Variants in TBC1D4 observed in about 807,000 individuals in gnomAD.
TBC1D4 encodes TBC1 domain family member 4.
TBC1D4 carries 121 observed loss-of-function variants against 142.5 expected under a neutral mutation model. The ratio of observed to expected loss-of-function variants is 0.85; its 90% CI spans 0.73 to 0.99. The LOEUF (loss-of-function observed/expected upper bound fraction) is 0.99. Ranked by LOEUF, TBC1D4 falls within the 50% of genes least tolerant of loss-of-function variation. The pLI is 0.00. For missense variants in TBC1D4, 1,475 were observed against 1,606.6 expected (o/e 0.92, Z 1.40); for synonymous variants, 630 against 628.2 (o/e 1.00, Z -0.04).
chr13:75,475,357 T>C (rs11148993), intron 1 of TBC1D4, among the ~76,000 whole-genome samples: 116,857 of 152,174 alleles, frequency 0.77, 46,999 homozygotes, highest in East Asian at 0.97. Context: ...AGGGGCTACA[T>C]CCAAGTAACT....
At chr13:75,296,559 C>T (rs143705114) in intron 17 of TBC1D4, among the ~76,000 whole-genome samples, 1 of 152,230 alleles carries the variant, frequency 6.6e-6, no homozygotes, top group Non-Finnish European at 1.5e-5. Context: ...ACAATTCAGG[C>T]TTCCTTCAAA....
Position 75,481,478 on chromosome 13 carries a change from G to T in TBC1D4, c.290C>A (p.Pro97Gln), listed in dbSNP as rs373653727. Residue 97 changes from proline to glutamine, a missense_variant, in exon 1 of 21, where the codon CCG becomes CAG. Pro to Gln is a moderately conservative substitution (Grantham distance 76, BLOSUM62 -1). Transcript: ENST00000377636. ...AGTGCCCCCCGAGGCCCCAGCGCCC[G>T]GCGCGGGGACGCAACGCAGGAAGGG... is the stretch of plus-strand genomic sequence containing the variant. The part of the protein sequence containing the change: ...SAPFLRCVPA[P>Q]GAGASGGTSP... 20 of 1,613,106 alleles carry T rather than the reference G, an allele frequency of 1.2e-5. No individual in the cohort carries two copies. In the African/African-American group the frequency reaches 2.5e-4, roughly 20 times the overall value.
chr13:75,365,491 T>A (rs566094145), intron 1 of TBC1D4, among the ~76,000 whole-genome samples: 1 of 152,174 alleles, frequency 6.6e-6, no homozygotes, highest in African/African-American at 2.4e-5. Flanking sequence ...CAGAGAATCA[T>A]GAAAATCTTG....
At chr13:75,460,459 C>A (rs116240927) in intron 1 of TBC1D4, among the ~76,000 whole-genome samples, 2 of 152,066 alleles carry the variant, frequency 1.3e-5, no homozygotes, top group Admixed American at 1.3e-4. Context: ...AACAAAAAGA[C>A]CAATGTGTGT....
chr13:75,387,616 A>C (rs1884252513), intron 1 of TBC1D4, among the ~76,000 whole-genome samples: 2 of 152,222 alleles, frequency 1.3e-5, no homozygotes, highest in East Asian at 3.8e-4. Context: ...CAAAGTCTTC[A>C]GCAAACTATC....
chr13:75,473,989 C>T (rs9634728), intron 1 of TBC1D4, among the ~76,000 whole-genome samples: 116,894 of 152,084 alleles, frequency 0.77, 47,020 homozygotes, highest in East Asian at 0.97. Flanking sequence ...TTTATTCCCC[C>T]GCCATACTTA....
intron 5 of TBC1D4, among the ~76,000 whole-genome samples, chr13:75,348,241 T>A (rs977922426): frequency 3.3e-5 from 5 of 152,248 alleles, no homozygotes; most frequent in African/African-American, 1.2e-4. Flanking sequence ...CTTGTGCCTA[T>A]GATTCTGCTG....
chr13:75,299,292 T>C (rs771493240), intron 17 of TBC1D4, 38 bp downstream of exon 17: 6 of 1,612,760 alleles, frequency 3.7e-6, no homozygotes, highest in Non-Finnish European at 5.1e-6. Context: ...TTTCTGGTAA[T>C]AGTCTCACAC....
chr13:75,378,713 G>A (rs1883655270), intron 1 of TBC1D4, among the ~76,000 whole-genome samples: 1 of 151,944 alleles, frequency 6.6e-6, no homozygotes, highest in Non-Finnish European at 1.5e-5. Context: ...AAATAAATTG[G>A]TCTATCTTCT....
At chr13:75,370,522 A>G (rs1352618486) in intron 1 of TBC1D4, among the ~76,000 whole-genome samples, 3 of 152,204 alleles carry the variant, frequency 2.0e-5, no homozygotes, top group Non-Finnish European at 2.9e-5. Flanking sequence ...GCTTCTGGAT[A>G]TAATTGTAAA....
intron 4 of TBC1D4, among the ~76,000 whole-genome samples, chr13:75,350,507 TG>T (rs1444006205): frequency 6.6e-6 from 1 of 152,208 alleles, no homozygotes; most frequent in African/African-American, 2.4e-5. Flanking sequence ...TTTGATAAAA[TG>T]TTATTTTATA....
intron 8 of TBC1D4, among the ~76,000 whole-genome samples, chr13:75,332,561 T>G (rs925792622): frequency 7.2e-6 from 1 of 138,760 alleles, no homozygotes; most frequent in East Asian, 2.2e-4. Flanking sequence ...CAGCCTCACC[T>G]GGAAGGCTTG....
intron 20 of TBC1D4, among the ~76,000 whole-genome samples, chr13:75,288,216 C>T (rs944018370): frequency 6.6e-6 from 1 of 152,068 alleles, no homozygotes; most frequent in East Asian, 1.9e-4. Flanking sequence ...ATGTCTCCCT[C>T]TCTTCCAATT....
chr13:75,423,337 G>C (rs1258224507), intron 1 of TBC1D4, among the ~76,000 whole-genome samples: 1 of 151,830 alleles, frequency 6.6e-6, no homozygotes, highest in Non-Finnish European at 1.5e-5. Flanking sequence ...ATGTCCAAAA[G>C]AAAGCAGTAT....
At chr13:75,339,033 C>T (rs1274284290) in intron 7 of TBC1D4, among the ~76,000 whole-genome samples, 1 of 152,182 alleles carries the variant, frequency 6.6e-6, no homozygotes, top group Non-Finnish European at 1.5e-5. Context: ...ATAAATGCTT[C>T]AAGACGAATT....
At chr13:75,474,952 C>T (rs1888576993) in intron 1 of TBC1D4, among the ~76,000 whole-genome samples, 2 of 152,144 alleles carry the variant, frequency 1.3e-5, no homozygotes, top group African/African-American at 4.8e-5. Flanking sequence ...TTTAACCTTT[C>T]TATATCTCAG....
chr13:75,411,217 A>T (rs796456311), intron 1 of TBC1D4, among the ~76,000 whole-genome samples: 1 of 152,176 alleles, frequency 6.6e-6, no homozygotes, highest in Non-Finnish European at 1.5e-5. Context: ...TACTGATGAG[A>T]GTTAAATGAA....
At chr13:75,481,195 T>TCCCCCCCCC in intron 1 of TBC1D4, 75 bp downstream of exon 1, 23 of 1,292,706 alleles carry the variant, frequency 1.8e-5, no homozygotes, top group South Asian at 3.9e-5. Flanking sequence ...TAAAGTGGGG[T>TCCCCCCCCC]CCCCGCCCCT....
intron 1 of TBC1D4, among the ~76,000 whole-genome samples, chr13:75,427,174 G>A (rs1886409875): frequency 6.6e-6 from 1 of 150,926 alleles, no homozygotes; most frequent in African/African-American, 2.4e-5. Flanking sequence ...TGCAAGCTCC[G>A]CCTCCCAGGT....
Sources: gnomAD v4.1 joint callset for allele counts (sites outside exome capture counted in the v4.1 genomes callset) on GRCh38, gnomAD v4.1.1 for gene constraint, MANE v1.5 for transcripts, NCBI Gene and HGNC (gene_info 2026-07-23, HGNC 2026-07-21) for gene names.